The following ZNF804B variants were observed in gnomAD, a reference collection of about 807,000 sequenced individuals.
ZNF804B encodes the protein zinc finger protein 804B.
A neutral mutation model predicts 101.4 loss-of-function variants in ZNF804B; 80 were observed. That is an observed-to-expected ratio of 0.79 (90% CI 0.66 to 0.95). The LOEUF (loss-of-function observed/expected upper bound fraction) is 0.95, where lower values mean the gene tolerates loss of function less well. Among genes scored for constraint, ZNF804B ranks in the 40% least tolerant of loss-of-function variants. ZNF804B has a pLI of 0.00. For missense variants in ZNF804B, 1,673 were observed against 1,561.9 expected (o/e 1.07, Z -1.20); for synonymous variants, 622 against 558.8 (o/e 1.11, Z -1.59).
At chr7:89,317,124 GTCT>G (rs1336265941) in intron 2 of ZNF804B, among the ~76,000 whole-genome samples, 3 of 152,208 alleles carry the variant, frequency 2.0e-5, no homozygotes, top group Non-Finnish European at 1.5e-5. Flanking sequence ...GCCAAAAGAA[GTCT>G]TCTTATGATT....
intron 1 of ZNF804B, among the ~76,000 whole-genome samples, chr7:88,781,978 G>T (rs1358954893): frequency 1.3e-5 from 2 of 152,152 alleles, no homozygotes; most frequent in African/African-American, 4.8e-5. Flanking sequence ...GTGACTCATT[G>T]TTTATAGTCT....
At chr7:89,020,086 A>G (rs1390106300) in intron 1 of ZNF804B, among the ~76,000 whole-genome samples, 1 of 152,098 alleles carries the variant, frequency 6.6e-6, no homozygotes, top group Non-Finnish European at 1.5e-5. Context: ...GCAGCCACCC[A>G]TGTGGGCTTG....
intron 1 of ZNF804B, among the ~76,000 whole-genome samples, chr7:89,209,523 T>A (rs2115673904): frequency 6.6e-6 from 1 of 152,298 alleles, no homozygotes; most frequent in South Asian, 2.1e-4. Flanking sequence ...TTGTGTGCAA[T>A]TGCCACTCTC....
At chr7:89,039,571 G>GT (rs974210964) in intron 1 of ZNF804B, among the ~76,000 whole-genome samples, 6 of 150,848 alleles carry the variant, frequency 4.0e-5, no homozygotes, top group African/African-American at 4.9e-5. Flanking sequence ...TATTCTCACA[G>GT]TTTTTTTTGG....
chr7:88,834,174 T>A (rs1226362126), intron 1 of ZNF804B, among the ~76,000 whole-genome samples: 1 of 151,850 alleles, frequency 6.6e-6, no homozygotes, highest in Non-Finnish European at 1.5e-5. Flanking sequence ...TATGGAATTA[T>A]TTTTTGTTAA....
chr7:89,210,155 A>G (rs943602366), intron 1 of ZNF804B, among the ~76,000 whole-genome samples: 1 of 151,888 alleles, frequency 6.6e-6, no homozygotes, highest in African/African-American at 2.4e-5. Flanking sequence ...CAAAAAAAAA[A>G]AAAGAAAGAA....
At chr7:89,257,471 C>T (rs560886132) in intron 2 of ZNF804B, among the ~76,000 whole-genome samples, 53 of 151,828 alleles carry the variant, frequency 3.5e-4, no homozygotes, top group African/African-American at 1.3e-3. Context: ...TATCCAATGC[C>T]CAGATCATGT....
At chr7:88,778,967 G>A (rs1264216916) in intron 1 of ZNF804B, among the ~76,000 whole-genome samples, 2 of 152,078 alleles carry the variant, frequency 1.3e-5, no homozygotes, top group Non-Finnish European at 2.9e-5. Flanking sequence ...TCAAAAATTG[G>A]GGTTTTAAAA....
At chr7:89,185,654 A>G (rs1788365503) in intron 1 of ZNF804B, among the ~76,000 whole-genome samples, 1 of 152,110 alleles carries the variant, frequency 6.6e-6, no homozygotes, top group Non-Finnish European at 1.5e-5. Context: ...TGAGGTTGGG[A>G]GTTAGAGACA....
intron 1 of ZNF804B, among the ~76,000 whole-genome samples, chr7:89,024,514 T>A (rs536838396): frequency 1.3e-5 from 2 of 152,068 alleles, no homozygotes; most frequent in East Asian, 3.9e-4. Context: ...TATATTAGTA[T>A]ACATTTGGCT....
intron 2 of ZNF804B, among the ~76,000 whole-genome samples, chr7:89,241,906 T>C (rs113305028): frequency 6.6e-6 from 1 of 151,614 alleles, no homozygotes; most frequent in Non-Finnish European, 1.5e-5. Flanking sequence ...TTTTTTTTTT[T>C]TCTCTTAAAG....
At chr7:89,003,030 C>CTT (rs66529311) in intron 1 of ZNF804B, among the ~76,000 whole-genome samples, 1 of 147,088 alleles carries the variant, frequency 6.8e-6, no homozygotes, top group African/African-American at 2.5e-5. Flanking sequence ...CAGCTATATA[C>CTT]TTTTTTTTTT....
chr7:88,951,588 T>C (rs1793224478), intron 1 of ZNF804B, among the ~76,000 whole-genome samples: 1 of 151,942 alleles, frequency 6.6e-6, no homozygotes, highest in Admixed American at 6.6e-5. Flanking sequence ...GTACTTACTT[T>C]CTGTTGCAAA....
At chr7:89,110,953 C>T (rs1790206785) in intron 1 of ZNF804B, among the ~76,000 whole-genome samples, 1 of 152,022 alleles carries the variant, frequency 6.6e-6, no homozygotes, top group Non-Finnish European at 1.5e-5. Context: ...TTTTCTTTTT[C>T]AAGGTTGTCA....
In ZNF804B at chr7:88,838,203, C is replaced by T. The variant is rs558437031; in HGVS notation, c.108+78119C>T. ...GTCCAATCAAAGCTCTGTTAAAATACGCTCAATTCTTTTGTTTGTAAGGAA... is the reference window on the plus strand; with the variant it reads ...GTCCAATCAAAGCTCTGTTAAAATATGCTCAATTCTTTTGTTTGTAAGGAA... On this transcript the variant is annotated intron_variant, in intron 1 of 3. Coordinates refer to ENST00000333190, the MANE Select transcript of ZNF804B (RefSeq NM_181646.5). Among the ~76,000 whole-genome samples the T allele has an allele frequency of 1.2e-4, 18 of 151,832 alleles. No individual in the cohort carries two copies. In the East Asian group the frequency reaches 1.7e-3, roughly 15 times the overall value.
intron 1 of ZNF804B, among the ~76,000 whole-genome samples, chr7:88,871,341 G>A (rs1791820293): frequency 6.6e-6 from 1 of 151,884 alleles, no homozygotes; most frequent in Middle Eastern, 3.2e-3. Flanking sequence ...AATTAAGGGG[G>A]AAGAAGAGGG....
intron 1 of ZNF804B, among the ~76,000 whole-genome samples, chr7:88,767,214 G>T (rs1372708093): frequency 6.6e-6 from 1 of 152,136 alleles, no homozygotes; most frequent in Non-Finnish European, 1.5e-5. Context: ...AACCTTACAA[G>T]TTTCTCCCCT....
chr7:89,025,982 G>C (rs1788744834), intron 1 of ZNF804B, among the ~76,000 whole-genome samples: 1 of 151,874 alleles, frequency 6.6e-6, no homozygotes, highest in Admixed American at 6.6e-5. Context: ...TGATTAACTG[G>C]CCCCTATCTA....
chr7:89,125,349 A>G (rs919256734), intron 1 of ZNF804B, among the ~76,000 whole-genome samples: 1 of 151,952 alleles, frequency 6.6e-6, no homozygotes, highest in African/African-American at 2.4e-5. Flanking sequence ...TTATATATCT[A>G]TGTGTATATG....
Sources: gnomAD v4.1 joint callset for allele counts (sites outside exome capture counted in the v4.1 genomes callset) on GRCh38, gnomAD v4.1.1 for gene constraint, MANE v1.5 for transcripts, NCBI Gene and HGNC (gene_info 2026-07-23, HGNC 2026-07-21) for gene names.